The following UTP20 variants were observed in gnomAD, a reference collection of about 807,000 sequenced individuals.
The protein encoded by UTP20 is small subunit processome component 20 homolog.
A neutral mutation model predicts 329.5 loss-of-function variants in UTP20; 164 were observed. The ratio of observed to expected loss-of-function variants is 0.50; its 90% CI spans 0.44 to 0.57. The LOEUF (loss-of-function observed/expected upper bound fraction) is 0.57. UTP20 is among the 20% of genes least tolerant of loss of function. The probability of loss-of-function intolerance (pLI) is 0.00; values close to 1 mark genes in which losing one functional copy is unlikely to be tolerated. For synonymous variants in UTP20, 1,151 were observed against 1,159.3 expected (o/e 0.99, Z 0.14); for missense variants, 3,055 against 3,284.2 (o/e 0.93, Z 1.71).
chr12:101,299,644 A>G (rs1425897588), intron 12 of UTP20, 38 bp from the exon 13 acceptor site: 1 of 1,525,734 alleles, frequency 6.6e-7, no homozygotes, highest in Non-Finnish European at 8.8e-7. Flanking sequence ...GAGCGATTAC[A>G]TTCTCTGTTA....
At chr12:101,319,462 C>A in intron 22 of UTP20, 83 bp from the exon 23 acceptor site, 1 of 1,004,648 alleles carries the variant, frequency 1.0e-6, no homozygotes, top group Non-Finnish European at 1.5e-6. Context: ...AAGTTCTAGT[C>A]AGAATAAAAT....
chr12:101,294,228 G>C (rs1232504511), intron 11 of UTP20, among the ~76,000 whole-genome samples: 2 of 151,906 alleles, frequency 1.3e-5, no homozygotes, highest in African/African-American at 2.4e-5. Flanking sequence ...GTGGAGATGG[G>C]GTTTCACCAT....
intron 35 of UTP20, 129 bp downstream of exon 35, chr12:101,343,222 T>C (rs1565799200): frequency 1.6e-5 from 9 of 579,722 alleles, no homozygotes; most frequent in Non-Finnish European, 2.6e-5. Flanking sequence ...TAAATTTCTT[T>C]TAGATGAAGA....
chr12:101,324,633 T>C (rs1868496405), intron 25 of UTP20, among the ~76,000 whole-genome samples: 1 of 152,194 alleles, frequency 6.6e-6, no homozygotes, highest in African/African-American at 2.4e-5. Context: ...TGGCTTTTGC[T>C]GGTTTTACAT....
chr12:101,358,542 G>A (rs544036034), intron 43 of UTP20, among the ~76,000 whole-genome samples: 1 of 152,310 alleles, frequency 6.6e-6, no homozygotes, highest in African/African-American at 2.4e-5. Context: ...CTTTAGCAAT[G>A]TGGTGGAGCA....
At chr12:101,311,673 A>G in intron 19 of UTP20, 46 bp from the exon 20 acceptor site, 1 of 1,518,352 alleles carries the variant, frequency 6.6e-7, no homozygotes, top group South Asian at 1.2e-5. Flanking sequence ...CAATCTTAAA[A>G]TGGCCATACC....
At chr12:101,309,673 G>C (rs1195086886) in intron 18 of UTP20, 90 bp from the exon 19 acceptor site, 1 of 1,308,380 alleles carries the variant, frequency 7.6e-7, no homozygotes. Flanking sequence ...CAAACCTCAG[G>C]TTGTCCAACT....
intron 46 of UTP20, 148 bp from the exon 47 acceptor site, chr12:101,366,410 T>TGGTTTGGG: frequency 2.4e-6 from 2 of 841,462 alleles, no homozygotes; most frequent in East Asian, 5.0e-5. Context: ...CTGTATCTCA[T>TGGTTTGGG]GGTTTGGGGG....
chr12:101,301,560 G>T (rs1188718163), intron 14 of UTP20, among the ~76,000 whole-genome samples: 1 of 151,704 alleles, frequency 6.6e-6, no homozygotes, highest in Non-Finnish European at 1.5e-5. Context: ...CCCAGCTACT[G>T]GGGAGGCTGA....
rs147265884 is a variant in UTP20 at position 101,297,732 on chromosome 12, A to C, written c.1431-1950A>C. ...AACAGGCAGATTCCTTGCACATGCC[A>C]AAACTGAGTTCTGTGCAGGGAGAGT... is the stretch of plus-strand genomic sequence containing the variant. On this transcript the variant is annotated intron_variant, in intron 12 of 61. Coordinates refer to ENST00000261637, the MANE Select transcript of UTP20 (RefSeq NM_014503.3). Among the ~76,000 whole-genome samples the C allele has an allele frequency of 5.9e-4, 90 of 152,310 alleles. 1 individual carries two copies. The highest frequency in any genetic ancestry group is 2.4e-4 in the Non-Finnish European group (16 of 68,018).
chr12:101,357,350 C>T (rs2120985759), intron 43 of UTP20, among the ~76,000 whole-genome samples: 1 of 152,252 alleles, frequency 6.6e-6, no homozygotes, highest in South Asian at 2.1e-4. Flanking sequence ...TTTATATTCT[C>T]TGAGTTCTTA....
At chr12:101,379,199 T>G (rs1422235093) in intron 56 of UTP20, among the ~76,000 whole-genome samples, 172 bp from the exon 57 acceptor site, 1 of 152,240 alleles carries the variant, frequency 6.6e-6, no homozygotes, top group Non-Finnish European at 1.5e-5. Context: ...TTTGTACACA[T>G]TAACCAATCT....
intron 12 of UTP20, 104 bp from the exon 13 acceptor site, chr12:101,299,578 C>T (rs1279479965): frequency 1.8e-6 from 2 of 1,106,532 alleles, no homozygotes; most frequent in Non-Finnish European, 2.5e-6. Context: ...CAATTCCTTC[C>T]CTCTAATGCT....
At chr12:101,321,080 G>A in intron 24 of UTP20, 143 bp downstream of exon 24, 2 of 680,778 alleles carry the variant, frequency 2.9e-6, no homozygotes, top group Non-Finnish European at 4.7e-6. Flanking sequence ...AGCAAGAAAT[G>A]AAAACGAGTA....
chr12:101,382,904 G>T, intron 58 of UTP20, 137 bp from the exon 59 acceptor site: 1 of 1,006,876 alleles, frequency 9.9e-7, no homozygotes, highest in Non-Finnish European at 1.4e-6. Context: ...TCATTTAATA[G>T]TTGTTAAATA....
chr12:101,333,377 A>G lies in UTP20; in HGVS notation c.3494A>G (p.Asp1165Gly), dbSNP rs778392441. ...GIKMVTDIFL[D>G]WESYQFRTEE... ...AAAATGGTAACTGATATCTTTTTGG[A>G]CTGGGAATCATATCAGTTTAGAACA... Residue 1165 changes from aspartate (D) to glycine (G), a missense_variant, in exon 28 of 62, where the codon GAC (aspartate) becomes GGC (glycine). Asp to Gly is a moderately conservative substitution (Grantham distance 94). This residue lies in a region of UTP20 where 2,445 missense variants were observed against 2,575.5 expected (regional missense o/e 0.95). Transcript: ENST00000261637. 6 of 1,613,978 alleles carry G rather than the reference A, an allele frequency of 3.7e-6. No individual in the cohort carries two copies. The highest frequency in any genetic ancestry group is 5.1e-6 in the Non-Finnish European group (6 of 1,179,940).
At chr12:101,308,514 CT>C (rs1266906415) in intron 18 of UTP20, among the ~76,000 whole-genome samples, 171 bp downstream of exon 18, 2 of 151,914 alleles carry the variant, frequency 1.3e-5, no homozygotes, top group East Asian at 3.9e-4. Context: ...GCTCTACCAG[CT>C]TTTTTAAGTA....
In UTP20 at chr12:101,354,949, C is replaced by T. The variant is rs1014340936; in HGVS notation, c.5225C>T (p.Pro1742Leu). 40 of 1,614,028 alleles carry T rather than the reference C, an allele frequency of 2.5e-5. No homozygotes were observed. Among genetic ancestry groups the T allele is most frequent in the Admixed American group, 2.3e-4 (14 of 60,010 alleles). Residue 1742 changes from proline to leucine, a missense_variant, in exon 41 of 62, where the codon CCT (proline) becomes CTT (leucine). Pro to Leu is a moderately conservative substitution (Grantham distance 98, BLOSUM62 -3). Around this residue, in one of 3 missense-constraint regions of UTP20, gnomAD observed 2,445 missense variants for 2,575.5 expected, o/e 0.95. Coordinates refer to ENST00000261637, the MANE Select transcript of UTP20 (RefSeq NM_014503.3). The stretch of plus-strand genomic sequence containing the variant: ...TCAGACAACGGACAACCGGGAACCC[C>T]TGATCCAGCTGACTCTGGAGGAACA... ...SLSDNGQPGT[P>L]DPADSGGTSA...
In UTP20 at chr12:101,319,526, C is replaced by T. The variant is rs1294712259; in HGVS notation, c.2739-19C>T. ...CAATTCTTTAATTCTGTAACACTCT[C>T]TGTTTTGTTTTTGTTTAGGCAATTA... On this transcript the variant is annotated intron_variant, in intron 22 of 61. Transcript: ENST00000261637. 1 of 1,566,270 alleles carries T rather than the reference C, an allele frequency of 6.4e-7. No individual in the cohort carries two copies. The highest frequency in any genetic ancestry group is 1.2e-5 in the South Asian group (1 of 86,114).
Sources: allele counts gnomAD v4.1 joint callset (sites outside exome capture counted in the v4.1 genomes callset), GRCh38; gene constraint gnomAD v4.1.1; regional missense constraint gnomAD v4.1.1; transcripts MANE v1.5; gene names NCBI Gene and HGNC (gene_info 2026-07-23, HGNC 2026-07-21).